DCAF8L2: variants seen among roughly 807,000 people sequenced by gnomAD.
DCAF8L2 encodes DDB1- and CUL4-associated factor 8-like protein 2.
For synonymous variants in DCAF8L2, 200 were observed against 190.9 expected, an observed-to-expected ratio of 1.05 and a Z score of -0.39; for missense variants, 430 against 490.7, an observed-to-expected ratio of 0.88 and a Z score of 1.17.
chrX:27,499,198 A>C, the DCAF8L2 span, among the ~76,000 whole-genome samples: 1 of 112,243 alleles, frequency 8.9e-6, no homozygotes, highest in Non-Finnish European at 1.9e-5. Context: ...AACAGTGTAC[A>C]AGGGTTCCCT....
chrX:27,735,968 TATTGAAAACAA>T (rs1178410455), intron 4 of DCAF8L2, among the ~76,000 whole-genome samples: 2 of 111,727 alleles, frequency 1.8e-5, no homozygotes, highest in East Asian at 5.6e-4. Context: ...AATATTAAAG[TATTGAAAACAA>T]ATATTAGAAT....
At position 27,718,061 on chromosome X, in the gene DCAF8L2, C is replaced by T. The variant is rs142395790; in HGVS notation, c.-59+1890C>T. ...AGAAATAATTTACATAAAATAAAAC[C>T]AACACATATTAAGTGTATAGTTTTA... On this transcript the variant is annotated intron_variant, in intron 4 of 4. Coordinates refer to ENST00000451261, the MANE Select transcript of DCAF8L2 (RefSeq NM_001353450.2). Among the ~76,000 whole-genome samples, 397 of 111,284 alleles carry T rather than the reference C, an allele frequency of 3.6e-3. 1 individual carries two copies. Among genetic ancestry groups the T allele is most frequent in the African/African-American group, 0.012 (361 of 30,675 alleles).
At chrX:27,659,515 C>T (rs919180024) in intron 2 of DCAF8L2, among the ~76,000 whole-genome samples, 1 of 111,642 alleles carries the variant, frequency 9.0e-6, no homozygotes, top group African/African-American at 3.3e-5. Flanking sequence ...GAGGGAAACT[C>T]GCTTATGTCT....
the DCAF8L2 span, among the ~76,000 whole-genome samples, chrX:27,566,684 C>T: frequency 9.1e-6 from 1 of 110,312 alleles, no homozygotes; most frequent in Non-Finnish European, 1.9e-5. Flanking sequence ...TTTGAAAAAC[C>T]AACTTTTATT....
intron 2 of DCAF8L2, among the ~76,000 whole-genome samples, chrX:27,663,293 C>A (rs923590050): frequency 8.9e-6 from 1 of 111,931 alleles, no homozygotes; most frequent in Non-Finnish European, 1.9e-5. Flanking sequence ...TTGCACTTGG[C>A]AGATATTGTG....
the DCAF8L2 span, among the ~76,000 whole-genome samples, chrX:27,509,312 A>G: frequency 9.0e-6 from 1 of 111,477 alleles, no homozygotes. Flanking sequence ...CCTCAGTTGA[A>G]TATTATTAAA....
intron 4 of DCAF8L2, among the ~76,000 whole-genome samples, chrX:27,716,665 T>C (rs895574216): frequency 2.7e-5 from 3 of 112,543 alleles, no homozygotes; most frequent in African/African-American, 9.7e-5. Flanking sequence ...TGAGACTGTA[T>C]GTATTTCTGA....
intron 4 of DCAF8L2, among the ~76,000 whole-genome samples, chrX:27,730,979 A>C (rs1032729506): frequency 2.7e-5 from 3 of 111,314 alleles, no homozygotes; most frequent in Non-Finnish European, 5.6e-5. Flanking sequence ...AAATGTTAAA[A>C]TATTTAGAAT....
intron 3 of DCAF8L2, among the ~76,000 whole-genome samples, chrX:27,680,745 T>A (rs1930296058): frequency 9.2e-6 from 1 of 108,624 alleles, no homozygotes; most frequent in South Asian, 3.8e-4. Context: ...ATACTTTCAA[T>A]TGTTAAGTGA....
chrX:27,626,933 T>A (rs920334008), intron 1 of DCAF8L2, among the ~76,000 whole-genome samples: 16 of 111,613 alleles, frequency 1.4e-4, no homozygotes, highest in African/African-American at 4.9e-4. Flanking sequence ...TAATGTCTGA[T>A]TAGAGCTTTC....
At chrX:27,665,889 G>T (rs1202821298) in intron 2 of DCAF8L2, among the ~76,000 whole-genome samples, 2 of 111,814 alleles carry the variant, frequency 1.8e-5, no homozygotes, top group Non-Finnish European at 3.8e-5. Context: ...AGCCTACAGT[G>T]TAGTGTAAAC....
chrX:27,661,471 C>T (rs1293459806), intron 2 of DCAF8L2, among the ~76,000 whole-genome samples: 1 of 111,449 alleles, frequency 9.0e-6, no homozygotes, highest in Non-Finnish European at 1.9e-5. Context: ...TCTAGTCAGT[C>T]AGCCACCTTG....
In DCAF8L2 at chrX:27,747,685, C is replaced by T. The variant is rs781591392; in HGVS notation, c.790C>T (p.Leu264=). 2.4e-5 allele frequency: 29 copies of T among 1,210,846 alleles called. No homozygotes were observed. The Admixed American group carries it at 6.1e-4, about 25-fold the overall frequency. The part of the protein sequence containing the change: ...VWDWVRQRPV[L]NFESGHTNNV... Reference sequence around the variant, plus strand: ...GGACTGGGTGCGGCAGAGGCCAGTACTGAACTTTGAAAGTGGTCACACAAA... The same window carrying T: ...GGACTGGGTGCGGCAGAGGCCAGTATTGAACTTTGAAAGTGGTCACACAAA... The change falls in exon 5 of 5, where the codon CTG becomes TTG. Residue 264 remains leucine (L), a synonymous_variant. Transcript: ENST00000451261.
rs1264110384 is a variant in DCAF8L2, at chrX:27,749,167, A to G, written c.*376A>G. Among the ~76,000 whole-genome samples the G allele has an allele frequency of 8.9e-6, 1 of 112,135 alleles. No homozygotes were observed. The highest frequency in any genetic ancestry group is 1.9e-5 in the Non-Finnish European group (1 of 53,294). ...GCATCTACTCAAATCTGACAGTCTG[A>G]AAACGGTTACCTTTTTACTTTTTTT... On this transcript the variant is annotated 3_prime_UTR_variant, in exon 5 of 5. Coordinates refer to ENST00000451261, the MANE Select transcript of DCAF8L2 (RefSeq NM_001353450.2).
At chrX:27,497,545 CTTCCTTCTTTCT>C in the DCAF8L2 span, among the ~76,000 whole-genome samples, 3 of 76,984 alleles carry the variant, frequency 3.9e-5, no homozygotes, top group Non-Finnish European at 6.8e-5. Context: ...TCCTTCCTTC[CTTCCTTCTTTCT>C]TTCTTTCTTT....
intron 1 of DCAF8L2, among the ~76,000 whole-genome samples, chrX:27,606,702 A>G (rs926126045): frequency 2.7e-5 from 3 of 109,698 alleles, no homozygotes; most frequent in Non-Finnish European, 5.7e-5. Context: ...CTGAGTTCAA[A>G]TATTTGGTGT....
the DCAF8L2 span, among the ~76,000 whole-genome samples, chrX:27,474,095 G>A: frequency 6.5e-4 from 72 of 111,064 alleles, no homozygotes; most frequent in African/African-American, 2.3e-3. Flanking sequence ...AGTTATTTCA[G>A]GGAAGTGTCA....
chrX:27,530,467 A>G, the DCAF8L2 span, among the ~76,000 whole-genome samples: 1 of 111,123 alleles, frequency 9.0e-6, no homozygotes, highest in Non-Finnish European at 1.9e-5. Context: ...ACCTTTGGTC[A>G]TAAGTTTTCA....
chrX:27,512,644 A>C, the DCAF8L2 span, among the ~76,000 whole-genome samples: 1 of 104,362 alleles, frequency 9.6e-6, no homozygotes, highest in Non-Finnish European at 2.0e-5. Flanking sequence ...AGATAATGCC[A>C]CTGCACTCCA....
Sources: gnomAD v4.1 joint callset for allele counts (sites outside exome capture counted in the v4.1 genomes callset) on GRCh38, gnomAD v4.1.1 for gene constraint, MANE v1.5 for transcripts, NCBI Gene and HGNC (gene_info 2026-07-23, HGNC 2026-07-21) for gene names.